The following TRMT11 variants were observed in gnomAD, a reference collection of about 807,000 sequenced individuals.
TRMT11 encodes tRNA methyltransferase 11.
A neutral mutation model predicts 62.8 loss-of-function variants in TRMT11; 53 were observed. That is an observed-to-expected ratio of 0.84 (90% CI 0.68 to 1.06). The LOEUF (loss-of-function observed/expected upper bound fraction) is 1.06. Among genes scored for constraint, TRMT11 ranks in the 50% least tolerant of loss-of-function variants. TRMT11 has a pLI of 0.00. For synonymous variants in TRMT11, 188 were observed against 190.3 expected, an observed-to-expected ratio of 0.99 and a Z score of 0.10; for missense variants, 556 against 553.4, an observed-to-expected ratio of 1.00 and a Z score of -0.05.
the TRMT11 span, among the ~76,000 whole-genome samples, chr6:126,246,104 A>G: frequency 7.9e-5 from 12 of 151,978 alleles, no homozygotes; most frequent in Non-Finnish European, 1.6e-4. Context: ...AACATGGTGA[A>G]ACCTCGTCTC....
At chr6:126,209,473 C>A in the TRMT11 span, among the ~76,000 whole-genome samples, 3 of 151,920 alleles carry the variant, frequency 2.0e-5, no homozygotes, top group Admixed American at 2.0e-4. Context: ...GTAATCCCAG[C>A]ATTTTGGGAG....
intron 17 of TRMT11, among the ~76,000 whole-genome samples, chr6:126,095,607 T>G (rs1032204732): frequency 1.3e-5 from 2 of 152,214 alleles, no homozygotes; most frequent in Non-Finnish European, 2.9e-5. Context: ...CTTCATACAT[T>G]CAAATATGAG....
At chr6:126,260,367 C>G in the TRMT11 span, among the ~76,000 whole-genome samples, 15 of 152,258 alleles carry the variant, frequency 9.9e-5, no homozygotes, top group African/African-American at 3.6e-4. Flanking sequence ...TAATTTTTCT[C>G]TCTATTATAT....
chr6:126,223,078 C>T, the TRMT11 span, among the ~76,000 whole-genome samples: 37 of 152,296 alleles, frequency 2.4e-4, no homozygotes, highest in South Asian at 1.7e-3. Flanking sequence ...CCTTCACTTA[C>T]GAAGCCTAGT....
chr6:125,988,463 A>G (rs561871129), intron 1 of TRMT11, among the ~76,000 whole-genome samples: 3 of 152,316 alleles, frequency 2.0e-5, no homozygotes, highest in African/African-American at 7.2e-5. Context: ...GCTGATGGGA[A>G]GAGAAGGGAT....
At chr6:126,104,306 G>C (rs890680942) in intron 17 of TRMT11, among the ~76,000 whole-genome samples, 3 of 152,206 alleles carry the variant, frequency 2.0e-5, no homozygotes, top group South Asian at 4.1e-4. Flanking sequence ...TCAGGAGTGG[G>C]TGGCAAGAAA....
At chr6:126,035,352 C>T (rs187893848) in intron 12 of TRMT11, among the ~76,000 whole-genome samples, 4 of 152,222 alleles carry the variant, frequency 2.6e-5, no homozygotes, top group African/African-American at 7.2e-5. Context: ...TGGCGCCTGC[C>T]AGATCTCTGG....
intron 6 of TRMT11, among the ~76,000 whole-genome samples, 161 bp downstream of exon 6, chr6:125,998,845 T>G (rs906264041): frequency 6.6e-6 from 1 of 152,152 alleles, no homozygotes; most frequent in Admixed American, 6.6e-5. Flanking sequence ...TTGTTTTGTG[T>G]TTTCCCAGAG....
In TRMT11 at chr6:126,008,459, A is replaced by G. The variant is rs751297156; in HGVS notation, c.747A>G (p.Thr249=). ...YVYGTDIDYN[T]VHGLGKATRK... ...ATGGGACAGACATAGACTACAACACAGTTCATGGCTTGGGTGAGTAGAGAT... is the reference window on the plus strand; with the variant it reads ...ATGGGACAGACATAGACTACAACACGGTTCATGGCTTGGGTGAGTAGAGAT... The change falls in exon 8 of 13, where the codon ACA becomes ACG. Residue 249 remains threonine, a synonymous_variant. Coordinates refer to ENST00000334379, the MANE Select transcript of TRMT11 (RefSeq NM_001031712.3). 6.8e-6 allele frequency: 11 copies of G among 1,612,710 alleles called. No individual in the cohort carries two copies. The highest frequency in any genetic ancestry group is 2.7e-5 in the African/African-American group (2 of 74,874).
At chr6:126,143,613 C>T (rs796091807) in intron 21 of TRMT11, among the ~76,000 whole-genome samples, 54 of 152,102 alleles carry the variant, frequency 3.6e-4, no homozygotes, top group African/African-American at 1.1e-3. Context: ...TTTACCAACA[C>T]GGAAGAAACA....
At chr6:126,259,000 G>T in the TRMT11 span, among the ~76,000 whole-genome samples, 1 of 152,018 alleles carries the variant, frequency 6.6e-6, no homozygotes. Flanking sequence ...CATATGACGT[G>T]ATGTGTGTTG....
intron 1 of TRMT11, among the ~76,000 whole-genome samples, chr6:125,989,666 T>G (rs950110297): frequency 2.0e-5 from 3 of 152,236 alleles, no homozygotes; most frequent in Admixed American, 2.0e-4. Flanking sequence ...TGATTTTTAC[T>G]TGTTTTTTCC....
At chr6:126,210,361 A>G in the TRMT11 span, among the ~76,000 whole-genome samples, 3 of 152,308 alleles carry the variant, frequency 2.0e-5, no homozygotes, top group Admixed American at 2.0e-4. Context: ...ACCACAAAGA[A>G]CTAAATTATT....
At chr6:126,252,245 G>A in the TRMT11 span, among the ~76,000 whole-genome samples, 3 of 152,206 alleles carry the variant, frequency 2.0e-5, no homozygotes, top group African/African-American at 7.2e-5. Context: ...GGTGCCCCCT[G>A]AAGATGATGC....
chr6:126,037,530 T>C (rs943357471), intron 12 of TRMT11, among the ~76,000 whole-genome samples: 6 of 152,088 alleles, frequency 3.9e-5, no homozygotes, highest in African/African-American at 1.4e-4. Context: ...AACTGTAATA[T>C]ACTTGGGTGC....
intron 17 of TRMT11, among the ~76,000 whole-genome samples, chr6:126,078,945 A>G (rs576317563): frequency 6.6e-6 from 1 of 152,348 alleles, no homozygotes; most frequent in South Asian, 2.1e-4. Flanking sequence ...ACATTGTCAC[A>G]TTCAATTCTC....
chr6:126,063,282 T>C (rs1294075347), intron 17 of TRMT11, among the ~76,000 whole-genome samples: 1 of 152,218 alleles, frequency 6.6e-6, no homozygotes, highest in Non-Finnish European at 1.5e-5. Flanking sequence ...CTCAGTGGGC[T>C]TTGTGCATCA....
chr6:126,044,403 C>T (rs953290171), intron 16 of TRMT11, among the ~76,000 whole-genome samples: 3 of 152,102 alleles, frequency 2.0e-5, no homozygotes, highest in African/African-American at 2.4e-5. Context: ...TGTTCTGTTC[C>T]GTCGATCTAT....
intron 17 of TRMT11, among the ~76,000 whole-genome samples, chr6:126,088,960 ATTAG>A (rs1223421171): frequency 6.6e-6 from 1 of 152,312 alleles, no homozygotes; most frequent in African/African-American, 2.4e-5. Flanking sequence ...AAGAATGAGA[ATTAG>A]TTCTCAATTA....
Sources: allele counts gnomAD v4.1 joint callset (sites outside exome capture counted in the v4.1 genomes callset), GRCh38; gene constraint gnomAD v4.1.1; transcripts MANE v1.5; gene names NCBI Gene and HGNC (gene_info 2026-07-23, HGNC 2026-07-21).